The following SNX7 variants were observed in gnomAD, a reference collection of about 807,000 sequenced individuals.
SNX7 encodes sorting nexin 7.
A neutral mutation model predicts 48.4 loss-of-function variants in SNX7; 35 were observed. The ratio of observed to expected loss-of-function variants is 0.72; its 90% CI spans 0.55 to 0.96. SNX7 has a LOEUF of 0.96. Ranked by LOEUF, SNX7 falls within the 40% of genes least tolerant of loss-of-function variation. SNX7 has a pLI of 0.00. For synonymous variants in SNX7, 190 were observed against 190.2 expected (o/e 1.00, Z 0.01); for missense variants, 553 against 548.9 (o/e 1.01, Z -0.07).
chr1:98,739,570 G>A (rs1653969257), intron 8 of SNX7, among the ~76,000 whole-genome samples: 2 of 152,242 alleles, frequency 1.3e-5, no homozygotes, highest in East Asian at 1.9e-4. Context: ...CACAAAGAGA[G>A]CATGATAAAA....
intron 8 of SNX7, among the ~76,000 whole-genome samples, chr1:98,755,675 G>C (rs1570618441): frequency 6.6e-6 from 1 of 151,480 alleles, no homozygotes; most frequent in Admixed American, 6.6e-5. Flanking sequence ...TGTTGCCCAG[G>C]CTTATCTCAA....
chr1:98,708,151 G>C (rs1652106841), intron 7 of SNX7, among the ~76,000 whole-genome samples: 1 of 151,934 alleles, frequency 6.6e-6, no homozygotes, highest in South Asian at 2.1e-4. Context: ...AATATAATCT[G>C]TTTTCTACTC....
intron 7 of SNX7, among the ~76,000 whole-genome samples, chr1:98,725,485 C>T (rs1653116792): frequency 1.3e-5 from 2 of 152,066 alleles, no homozygotes; most frequent in African/African-American, 2.4e-5. Context: ...TGGTACTTGG[C>T]ATGAAGTAAG....
chr1:98,730,777 C>G (rs901333913), intron 7 of SNX7, among the ~76,000 whole-genome samples: 1 of 152,106 alleles, frequency 6.6e-6, no homozygotes, highest in Non-Finnish European at 1.5e-5. Context: ...AAAAAACATT[C>G]CATACTCATA....
intron 8 of SNX7, among the ~76,000 whole-genome samples, chr1:98,749,034 T>C (rs951405886): frequency 2.0e-5 from 3 of 152,196 alleles, no homozygotes; most frequent in African/African-American, 7.2e-5. Context: ...ATAAGCTTGA[T>C]GTCTGAAGTG....
intron 7 of SNX7, among the ~76,000 whole-genome samples, chr1:98,735,725 A>G (rs1458152085): frequency 6.6e-6 from 1 of 152,170 alleles, no homozygotes; most frequent in Non-Finnish European, 1.5e-5. Flanking sequence ...TGCAGTTTTT[A>G]TAAGAATCCC....
chr1:98,683,653 G>C (rs1650625746), intron 1 of SNX7, among the ~76,000 whole-genome samples: 1 of 152,134 alleles, frequency 6.6e-6, no homozygotes, highest in South Asian at 2.1e-4. Context: ...CTGACATCTT[G>C]ATCTTGGACT....
chr1:98,752,907 C>A (rs1654657165), intron 8 of SNX7, among the ~76,000 whole-genome samples: 1 of 152,090 alleles, frequency 6.6e-6, no homozygotes, highest in South Asian at 2.1e-4. Flanking sequence ...CTTCCAAAAT[C>A]ATCCTTCTAC....
chr1:98,665,416 T>C (rs1649484686), intron 1 of SNX7, among the ~76,000 whole-genome samples: 1 of 152,230 alleles, frequency 6.6e-6, no homozygotes, highest in South Asian at 2.1e-4. Context: ...AAATGAATTA[T>C]TTAGTATGTT....
At chr1:98,673,336 T>C (rs1478397967) in intron 1 of SNX7, among the ~76,000 whole-genome samples, 1 of 152,200 alleles carries the variant, frequency 6.6e-6, no homozygotes, top group Non-Finnish European at 1.5e-5. Context: ...AAGTGTTTTG[T>C]ATAGCTGACT....
intron 1 of SNX7, among the ~76,000 whole-genome samples, chr1:98,678,130 G>A (rs1487314558): frequency 1.3e-5 from 2 of 152,034 alleles, no homozygotes; most frequent in Non-Finnish European, 2.9e-5. Context: ...AGGAAGCATG[G>A]TGCTGGCATC....
rs1652723458 is a variant in SNX7 at position 98,718,893 on chromosome 1, T to G, written c.1125+16990T>G. On this transcript the variant is annotated intron_variant, in intron 7 of 8. Transcript: ENST00000306121. ...CATTTATTGATGTTTTACAGCTACATGATATCCCATTGTATGGCTGTGCAG... is the reference window on the plus strand; with the variant it reads ...CATTTATTGATGTTTTACAGCTACAGGATATCCCATTGTATGGCTGTGCAG... Among the ~76,000 whole-genome samples, 3 of 152,184 alleles carry G rather than the reference T, an allele frequency of 2.0e-5. No homozygotes were observed. The South Asian group carries it at 6.2e-4, about 31-fold the overall frequency.
At chr1:98,707,243 T>G (rs1652057133) in intron 7 of SNX7, among the ~76,000 whole-genome samples, 1 of 152,166 alleles carries the variant, frequency 6.6e-6, no homozygotes, top group South Asian at 2.1e-4. Context: ...CGGATCTGAT[T>G]AGGGTCATCC....
rs1292759660 is a variant in SNX7 at position 98,713,046 on chromosome 1, G to A, written c.1125+11143G>A. On this transcript the variant is annotated intron_variant, in intron 7 of 8. Transcript: ENST00000306121. ...GCAGAGGTTGCAGTGAGCCGAGATC[G>A]TGCCATTGCAGTCCAGCCTGGGCAA... Among the ~76,000 whole-genome samples, 8 of 144,828 alleles carry A rather than the reference G, an allele frequency of 5.5e-5. No individual in the cohort carries two copies. The East Asian group carries it at 1.2e-3, about 22-fold the overall frequency.
At chr1:98,690,195 C>T (rs1484312268) in intron 2 of SNX7, among the ~76,000 whole-genome samples, 1 of 152,054 alleles carries the variant, frequency 6.6e-6, no homozygotes, top group African/African-American at 2.4e-5. Flanking sequence ...AAAATTTCAA[C>T]CTAAATATTA....
chr1:98,745,309 T>C (rs1654260201), intron 8 of SNX7, among the ~76,000 whole-genome samples: 2 of 151,998 alleles, frequency 1.3e-5, no homozygotes, highest in Non-Finnish European at 2.9e-5. Flanking sequence ...AAAGTTAAAT[T>C]CTCTTTCCTT....
At chr1:98,662,710 C>T in intron 1 of SNX7, 10 of 1,289,372 alleles carry the variant, frequency 7.8e-6, no homozygotes, top group Non-Finnish European at 1.0e-5. Flanking sequence ...GGTTGAATGT[C>T]ACTCCAGTTT....
intron 1 of SNX7, among the ~76,000 whole-genome samples, chr1:98,671,366 A>C (rs1649853370): frequency 6.6e-6 from 1 of 152,198 alleles, no homozygotes; most frequent in Non-Finnish European, 1.5e-5. Flanking sequence ...CTCTAGTATT[A>C]ATAAAAAAAG....
chr1:98,730,076 T>A (rs1557826705), intron 7 of SNX7, among the ~76,000 whole-genome samples: 1 of 152,184 alleles, frequency 6.6e-6, no homozygotes, highest in Non-Finnish European at 1.5e-5. Flanking sequence ...CAAGTAGGCT[T>A]CATCCCTGGG....
Sources: allele counts gnomAD v4.1 joint callset (sites outside exome capture counted in the v4.1 genomes callset), GRCh38; gene constraint gnomAD v4.1.1; transcripts MANE v1.5; gene names NCBI Gene and HGNC (gene_info 2026-07-23, HGNC 2026-07-21).